Variants in HEMK2 observed in about 807,000 individuals in gnomAD.
HEMK2 encodes the protein HemK methyltransferase 2, ETF1 glutamine and histone H4 lysine.
At chr21:28,862,990 G>A in the HEMK2 span, among the ~76,000 whole-genome samples, 4 of 152,234 alleles carry the variant, frequency 2.6e-5, no homozygotes, top group African/African-American at 9.6e-5. Context: ...CTCAGCAGAT[G>A]TGTATAGGCT....
At chr21:28,831,634 G>GGAAAGAAAGAAAGAAAGAAA in the HEMK2 span, among the ~76,000 whole-genome samples, 1 of 36,466 alleles carries the variant, frequency 2.7e-5, no homozygotes, top group Non-Finnish European at 4.8e-5. Context: ...AAAGAAGGAA[G>GGAAAGAAAGAAAGAAAGAAA]GAAAGAAAGA....
chr21:28,694,267 A>C, the HEMK2 span, among the ~76,000 whole-genome samples: 1 of 152,206 alleles, frequency 6.6e-6, no homozygotes. Context: ...AGACTACCCA[A>C]CATGTAGAAT....
chr21:28,816,756 C>T, the HEMK2 span, among the ~76,000 whole-genome samples: 2 of 152,196 alleles, frequency 1.3e-5, no homozygotes, highest in African/African-American at 4.8e-5. Flanking sequence ...TCAAGCTAAG[C>T]AATTCTCCTA....
chr21:28,719,108 C>G, the HEMK2 span, among the ~76,000 whole-genome samples: 1 of 152,128 alleles, frequency 6.6e-6, no homozygotes, highest in East Asian at 1.9e-4. Flanking sequence ...ATTTCTATGC[C>G]TTCTTTTATG....
the HEMK2 span, among the ~76,000 whole-genome samples, chr21:28,859,720 T>C: frequency 6.6e-6 from 1 of 152,170 alleles, no homozygotes; most frequent in African/African-American, 2.4e-5. Flanking sequence ...CTCCCATGGA[T>C]GCTGGAAGGA....
At chr21:28,592,862 C>T in the HEMK2 span, among the ~76,000 whole-genome samples, 1 of 152,082 alleles carries the variant, frequency 6.6e-6, no homozygotes, top group Non-Finnish European at 1.5e-5. Flanking sequence ...TTGTTAAGTA[C>T]TTACATGAAT....
the HEMK2 span, among the ~76,000 whole-genome samples, chr21:28,848,735 A>G: frequency 6.6e-6 from 1 of 152,232 alleles, no homozygotes; most frequent in Non-Finnish European, 1.5e-5. Flanking sequence ...AAAATTTCCT[A>G]ATATTCAACA....
At chr21:28,821,491 T>C in the HEMK2 span, among the ~76,000 whole-genome samples, 45 of 152,368 alleles carry the variant, frequency 3.0e-4, no homozygotes, top group Admixed American at 4.6e-4. Context: ...TTCCCTAGTT[T>C]GAGGAATTTG....
chr21:28,832,801 C>T, the HEMK2 span, among the ~76,000 whole-genome samples: 4 of 152,148 alleles, frequency 2.6e-5, no homozygotes, highest in African/African-American at 7.2e-5. Context: ...TGTATTGATA[C>T]GTATGTTCAA....
At chr21:28,603,249 G>T in the HEMK2 span, among the ~76,000 whole-genome samples, 7 of 152,108 alleles carry the variant, frequency 4.6e-5, no homozygotes, top group Non-Finnish European at 7.4e-5. Flanking sequence ...TAAATCATTT[G>T]CCACTAATAC....
chr21:28,726,956 G>C, the HEMK2 span, among the ~76,000 whole-genome samples: 1 of 151,588 alleles, frequency 6.6e-6, no homozygotes, highest in African/African-American at 2.4e-5. Context: ...CATTGTAAAA[G>C]AATGTGGTCC....
At chr21:28,732,369 T>C in the HEMK2 span, among the ~76,000 whole-genome samples, 3 of 152,234 alleles carry the variant, frequency 2.0e-5, no homozygotes, top group Non-Finnish European at 4.4e-5. Context: ...TGAGGGTAAC[T>C]GATGAATAAA....
the HEMK2 span, among the ~76,000 whole-genome samples, chr21:28,761,478 T>C: frequency 6.6e-6 from 1 of 152,092 alleles, no homozygotes; most frequent in Admixed American, 6.6e-5. Flanking sequence ...TCTCATTGTA[T>C]CATAGATTAC....
At chr21:28,863,469 T>C in the HEMK2 span, among the ~76,000 whole-genome samples, 31 of 101,060 alleles carry the variant, frequency 3.1e-4, no homozygotes, top group East Asian at 5.7e-3. Context: ...TATATATATA[T>C]ACTTCATTAG....
At chr21:28,710,153 G>A in the HEMK2 span, among the ~76,000 whole-genome samples, 10 of 152,156 alleles carry the variant, frequency 6.6e-5, no homozygotes, top group African/African-American at 2.4e-4. Flanking sequence ...CCTAAGTTAG[G>A]TAATTGGAGC....
At chr21:28,704,408 A>G in the HEMK2 span, among the ~76,000 whole-genome samples, 1 of 152,142 alleles carries the variant, frequency 6.6e-6, no homozygotes, top group Admixed American at 6.6e-5. Flanking sequence ...TGCTTTTTTT[A>G]CGTCCTGGTA....
At chr21:28,608,676 G>T in the HEMK2 span, among the ~76,000 whole-genome samples, 1 of 152,140 alleles carries the variant, frequency 6.6e-6, no homozygotes, top group Non-Finnish European at 1.5e-5. Flanking sequence ...AGCCATGCTC[G>T]CCGGCTGCCT....
the HEMK2 span, among the ~76,000 whole-genome samples, chr21:28,831,466 A>AGAAC: frequency 7.0e-3 from 191 of 27,438 alleles, 3 homozygotes; most frequent in South Asian, 0.015. Flanking sequence ...AAAGAACGAA[A>AGAAC]GAAAGAAAGA....
the HEMK2 span, among the ~76,000 whole-genome samples, chr21:28,755,818 G>A: frequency 4.6e-5 from 7 of 152,150 alleles, no homozygotes. Flanking sequence ...GAGAGAACAG[G>A]ACTGGTCAAT....
Sources: gnomAD v4.1 joint callset for allele counts (sites outside exome capture counted in the v4.1 genomes callset) on GRCh38, gnomAD v4.1.1 for gene constraint, MANE v1.5 for transcripts, NCBI Gene and HGNC (gene_info 2026-07-23, HGNC 2026-07-21) for gene names.